The following KIAA2012 variants were observed in gnomAD, a reference collection of about 807,000 sequenced individuals.
KIAA2012 encodes the protein uncharacterized protein KIAA2012.
KIAA2012 carries 125 observed loss-of-function variants against 150.6 expected under a neutral mutation model. That is an observed-to-expected ratio of 0.83 (90% CI 0.72 to 0.96). The LOEUF (loss-of-function observed/expected upper bound fraction) is 0.96, where lower values mean the gene tolerates loss of function less well. Among genes scored for constraint, KIAA2012 ranks in the 40% least tolerant of loss-of-function variants. KIAA2012 has a pLI of 0.00. For synonymous variants in KIAA2012, 462 were observed against 504.7 expected (o/e 0.92, Z 1.13); for missense variants, 1,219 against 1,354.9 (o/e 0.90, Z 1.57).
intron 2 of KIAA2012, among the ~76,000 whole-genome samples, chr2:202,085,473 G>T (rs1043207083): frequency 1.9e-4 from 29 of 152,148 alleles, no homozygotes; most frequent in Admixed American, 1.4e-3. Flanking sequence ...AAGGTTGCTG[G>T]CTTTGAAGAT....
chr2:202,193,584 A>G (rs557956467), intron 20 of KIAA2012, 81 bp downstream of exon 20: 153 of 1,407,918 alleles, frequency 1.1e-4, no homozygotes, highest in Middle Eastern at 1.1e-3. Context: ...CCTAGGGGCA[A>G]TGTTTGGTTC....
At chr2:202,079,125 T>C (rs976621173) in intron 2 of KIAA2012, among the ~76,000 whole-genome samples, 2 of 152,182 alleles carry the variant, frequency 1.3e-5, no homozygotes, top group African/African-American at 2.4e-5. Context: ...CAAATATATT[T>C]TTTAAACTAC....
intron 12 of KIAA2012, chr2:202,136,937 C>T (rs1691077667): frequency 6.6e-6 from 1 of 152,278 alleles, no homozygotes; most frequent in African/African-American, 2.4e-5. Flanking sequence ...ACTGCAACCT[C>T]CACCTCCCGG....
intron 7 of KIAA2012, among the ~76,000 whole-genome samples, chr2:202,101,725 G>A (rs1458213899): frequency 6.6e-6 from 1 of 152,190 alleles, no homozygotes; most frequent in African/African-American, 2.4e-5. Context: ...GGCAGTTGGT[G>A]TGGGCAGCCG....
intron 12 of KIAA2012, among the ~76,000 whole-genome samples, chr2:202,128,014 T>C (rs1269960331): frequency 6.6e-6 from 1 of 152,046 alleles, no homozygotes; most frequent in Non-Finnish European, 1.5e-5. Context: ...TGTTATCCCC[T>C]GACTTTTACC....
intron 13 of KIAA2012, among the ~76,000 whole-genome samples, chr2:202,148,366 T>C (rs762383646): frequency 4.0e-4 from 61 of 152,240 alleles, no homozygotes; most frequent in Non-Finnish European, 7.6e-4. Flanking sequence ...TTCTATAAAG[T>C]TGAGGACATT....
At chr2:202,187,818 T>C (rs1156538709) in intron 17 of KIAA2012, among the ~76,000 whole-genome samples, 1 of 152,228 alleles carries the variant, frequency 6.6e-6, no homozygotes, top group Non-Finnish European at 1.5e-5. Context: ...CCATTAATCA[T>C]GGCAACACCA....
At chr2:202,096,302 A>G (rs1179795410) in intron 4 of KIAA2012, among the ~76,000 whole-genome samples, 20 of 152,078 alleles carry the variant, frequency 1.3e-4, no homozygotes, top group Admixed American at 1.3e-3. Context: ...TCTTAGGAGC[A>G]GGCCTAATGT....
intron 22 of KIAA2012, chr2:202,197,234 T>G (rs929035969): frequency 5.4e-6 from 4 of 744,718 alleles, no homozygotes; most frequent in Middle Eastern, 4.0e-4. Flanking sequence ...ACAAGGGAGT[T>G]TGGAGATATC....
chr2:202,100,197 A>G, intron 6 of KIAA2012, 110 bp from the exon 7 acceptor site: 1 of 1,209,578 alleles, frequency 8.3e-7, no homozygotes, highest in Non-Finnish European at 1.2e-6. Context: ...GTGCCCCAGC[A>G]CACTGCCTGC....
At chr2:202,099,933 C>T (rs1258706022) in intron 6 of KIAA2012, 137 bp downstream of exon 6, 10 of 806,222 alleles carry the variant, frequency 1.2e-5, no homozygotes, top group Admixed American at 9.1e-5. Context: ...TCTAGCTGGA[C>T]GTGGGAATGA....
intron 15 of KIAA2012, among the ~76,000 whole-genome samples, chr2:202,178,355 A>G (rs1438549352): frequency 6.6e-6 from 1 of 152,222 alleles, no homozygotes; most frequent in Non-Finnish European, 1.5e-5. Context: ...AAAAGTTGTA[A>G]GTTATTCAAA....
At chr2:202,132,802 A>ATTTT (rs1227829333) in intron 12 of KIAA2012, among the ~76,000 whole-genome samples, 42 of 94,688 alleles carry the variant, frequency 4.4e-4, no homozygotes, top group East Asian at 1.5e-3. Flanking sequence ...ATATATATAT[A>ATTTT]TTTTTTTTTT....
At chr2:202,089,792 A>G (rs1689671810) in intron 2 of KIAA2012, among the ~76,000 whole-genome samples, 1 of 152,240 alleles carries the variant, frequency 6.6e-6, no homozygotes, top group South Asian at 2.1e-4. Context: ...AAAAAGCGGC[A>G]TGAGGGACTT....
chr2:202,109,508 C>A (rs889944802), intron 9 of KIAA2012, 105 bp from the exon 10 acceptor site: 1 of 911,336 alleles, frequency 1.1e-6, no homozygotes, highest in Non-Finnish European at 1.6e-6. Flanking sequence ...TTCTTCATAG[C>A]AGTCTTCACA....
At chr2:202,074,794 A>G (rs994555031) in intron 1 of KIAA2012, 97 bp from the exon 2 acceptor site, 1 of 1,240,200 alleles carries the variant, frequency 8.1e-7, no homozygotes, top group Admixed American at 2.8e-5. Flanking sequence ...AGAGAAAATC[A>G]GTAACTAAAA....
At chr2:202,180,788 G>A (rs1371887383) in intron 15 of KIAA2012, among the ~76,000 whole-genome samples, 1 of 152,174 alleles carries the variant, frequency 6.6e-6, no homozygotes, top group Non-Finnish European at 1.5e-5. Flanking sequence ...TCGCACCACT[G>A]CACTCCAGCC....
chr2:202,184,867 CAT>C (rs1692196784), intron 16 of KIAA2012, 24 bp downstream of exon 16: 2 of 1,499,448 alleles, frequency 1.3e-6, no homozygotes, highest in South Asian at 1.3e-5. Flanking sequence ...GTTGTAATAA[CAT>C]AGGCTTCTCT....
At chr2:202,119,369 CT>C (rs1270329285) in intron 11 of KIAA2012, among the ~76,000 whole-genome samples, 2 of 151,830 alleles carry the variant, frequency 1.3e-5, no homozygotes, top group Admixed American at 6.6e-5. Context: ...TGTATTATTT[CT>C]TTTTTTTAAG....
Sources: gnomAD v4.1 joint callset for allele counts (sites outside exome capture counted in the v4.1 genomes callset) on GRCh38, gnomAD v4.1.1 for gene constraint, MANE v1.5 for transcripts, NCBI Gene and HGNC (gene_info 2026-07-23, HGNC 2026-07-21) for gene names.